Variants in FAM13A observed in about 807,000 individuals in gnomAD.
FAM13A encodes the protein family with sequence similarity 13 member A.
Under a neutral mutation model 129.6 loss-of-function variants are expected in FAM13A, and 76 were observed. The observed-to-expected ratio is 0.59, with a 90% confidence interval of 0.49 to 0.71. The LOEUF is 0.71. Among genes scored for constraint, FAM13A ranks in the 30% least tolerant of loss-of-function variants. The pLI is 0.00. For synonymous variants in FAM13A, 443 were observed against 449.9 expected (o/e 0.98, Z 0.20); for missense variants, 1,108 against 1,249.3 (o/e 0.89, Z 1.70).
chr4:88,782,559 T>C (rs570224273), intron 10 of FAM13A, among the ~76,000 whole-genome samples: 1 of 152,326 alleles, frequency 6.6e-6, no homozygotes, highest in South Asian at 2.1e-4. Context: ...TAAATTCATA[T>C]CTTTAGACAG....
At chr4:88,995,902 A>G (rs1160008240) in intron 3 of FAM13A, among the ~76,000 whole-genome samples, 1 of 152,244 alleles carries the variant, frequency 6.6e-6, no homozygotes, top group Non-Finnish European at 1.5e-5. Flanking sequence ...AAGTGGTAAC[A>G]TACATGCTAT....
chr4:88,805,856 C>T lies in FAM13A; in HGVS notation c.1008-804G>A, dbSNP rs187867590. 4.0e-5 allele frequency among the ~76,000 whole-genome samples: 6 copies of T among 151,848 alleles called. No individual in the cohort carries two copies. In the East Asian group the frequency reaches 1.2e-3, roughly 29 times the overall value. Reference sequence around the variant, plus strand: ...GCTAGTTTTTTATTTTTTGTGGAGACAGAGTCTCACTATGTTGCCCATGCT... The same window carrying T: ...GCTAGTTTTTTATTTTTTGTGGAGATAGAGTCTCACTATGTTGCCCATGCT... On this transcript the variant is annotated intron_variant, in intron 7 of 23. Transcript: ENST00000264344.
chr4:88,829,012 A>C (rs548343825), intron 7 of FAM13A, among the ~76,000 whole-genome samples: 2 of 152,250 alleles, frequency 1.3e-5, no homozygotes, highest in African/African-American at 4.8e-5. Flanking sequence ...GCAAATTCCA[A>C]GTGTTTGGCA....
chr4:88,874,968 G>A (rs1268963547), intron 6 of FAM13A, among the ~76,000 whole-genome samples: 1 of 152,146 alleles, frequency 6.6e-6, no homozygotes, highest in African/African-American at 2.4e-5. Flanking sequence ...ACAGAACAGA[G>A]GCCTCAGAAA....
intron 5 of FAM13A, among the ~76,000 whole-genome samples, chr4:88,912,278 T>C (rs1469192155): frequency 6.6e-6 from 1 of 152,096 alleles, no homozygotes; most frequent in Non-Finnish European, 1.5e-5. Flanking sequence ...GCTGAGGACA[T>C]ATAGAGAACA....
chr4:88,881,013 C>G (rs1743475774), intron 6 of FAM13A, among the ~76,000 whole-genome samples: 1 of 152,120 alleles, frequency 6.6e-6, no homozygotes, highest in African/African-American at 2.4e-5. Flanking sequence ...CCTAACCCTG[C>G]CCCCACCTGA....
intron 4 of FAM13A, among the ~76,000 whole-genome samples, chr4:88,960,017 A>G (rs1758366364): frequency 1.3e-5 from 2 of 152,208 alleles, no homozygotes; most frequent in Non-Finnish European, 2.9e-5. Flanking sequence ...AATCGCTTTG[A>G]GAATGACTTT....
chr4:88,843,848 T>C (rs1232302715), intron 7 of FAM13A, among the ~76,000 whole-genome samples: 1 of 152,200 alleles, frequency 6.6e-6, no homozygotes, highest in East Asian at 1.9e-4. Flanking sequence ...TGCAACAAGA[T>C]GGACAGCGAT....
chr4:88,789,762 A>G, intron 9 of FAM13A, among the ~76,000 whole-genome samples: 1 of 152,174 alleles, frequency 6.6e-6, no homozygotes, highest in Non-Finnish European at 1.5e-5. Context: ...TGGCAAGTGA[A>G]TATGGGTAGT....
chr4:88,866,915 T>C (rs890125855), intron 6 of FAM13A, among the ~76,000 whole-genome samples: 1 of 152,204 alleles, frequency 6.6e-6, no homozygotes, highest in African/African-American at 2.4e-5. Context: ...AAATTAAAAA[T>C]TGAACATAAT....
intron 4 of FAM13A, among the ~76,000 whole-genome samples, chr4:88,967,859 G>A (rs1162252406): frequency 1.3e-5 from 2 of 152,192 alleles, no homozygotes; most frequent in East Asian, 3.8e-4. Flanking sequence ...TTATTACCAG[G>A]AGTTCCATGC....
intron 4 of FAM13A, among the ~76,000 whole-genome samples, chr4:88,953,613 A>G (rs1757292974): frequency 6.6e-6 from 1 of 152,210 alleles, no homozygotes; most frequent in South Asian, 2.1e-4. Flanking sequence ...GTGAAACTCT[A>G]CACCCATTAA....
In FAM13A at chr4:88,822,698, T is replaced by C. The variant is rs187267126; in HGVS notation, c.1008-17646A>G. On this transcript the variant is annotated intron_variant, in intron 7 of 23. Transcript: ENST00000264344. ...CATTATACTTCTCAGTCCATGTTTT[T>C]CTTCAGATTTCAAAGGTATTTTCTT... 1.2e-3 allele frequency among the ~76,000 whole-genome samples: 181 copies of C among 152,354 alleles called. 1 individual carries two copies. The highest frequency in any genetic ancestry group is 4.0e-3 in the African/African-American group (165 of 41,586).
chr4:88,932,046 A>G (rs1251118207), intron 5 of FAM13A, among the ~76,000 whole-genome samples: 2 of 152,240 alleles, frequency 1.3e-5, no homozygotes, highest in East Asian at 3.8e-4. Context: ...GAAGACATAT[A>G]GGAGTCAGAA....
chr4:88,965,322 A>G (rs943826196), intron 4 of FAM13A, among the ~76,000 whole-genome samples: 1 of 152,238 alleles, frequency 6.6e-6, no homozygotes, highest in Middle Eastern at 3.2e-3. Context: ...CAGCACTCCC[A>G]ACTCTAGGAT....
chr4:89,016,164 C>T (rs1766455511), intron 3 of FAM13A, among the ~76,000 whole-genome samples: 1 of 148,160 alleles, frequency 6.7e-6, no homozygotes, highest in African/African-American at 2.5e-5. Flanking sequence ...GGCCTAGACT[C>T]ACATCTGTGC....
chr4:88,728,728 C>T, intron 23 of FAM13A, 69 bp from the exon 24 acceptor site: 1 of 1,558,366 alleles, frequency 6.4e-7, no homozygotes, highest in South Asian at 1.1e-5. Context: ...ATTCATCGGG[C>T]AAATTATCAT....
intron 1 of FAM13A, among the ~76,000 whole-genome samples, chr4:89,051,055 G>A (rs1454213747): frequency 1.3e-5 from 2 of 152,172 alleles, no homozygotes; most frequent in African/African-American, 2.4e-5. Context: ...CAATGAGGAG[G>A]ACAGATACAA....
At chr4:88,935,126 C>T (rs1903009) in intron 5 of FAM13A, among the ~76,000 whole-genome samples, 26,040 of 152,158 alleles carry the variant, frequency 0.17, 2,378 homozygotes, top group Non-Finnish European at 0.21. Context: ...GCTGTAGATG[C>T]CATGATCAAT....
Sources: gnomAD v4.1 joint callset for allele counts (sites outside exome capture counted in the v4.1 genomes callset) on GRCh38, gnomAD v4.1.1 for gene constraint, MANE v1.5 for transcripts, NCBI Gene and HGNC (gene_info 2026-07-23, HGNC 2026-07-21) for gene names.